The following CDON variants were observed in gnomAD, a reference collection of about 807,000 sequenced individuals.
CDON encodes the protein cell adhesion molecule-related/down-regulated by oncogenes.
A neutral mutation model predicts 120.9 loss-of-function variants in CDON; 73 were observed. The ratio of observed to expected loss-of-function variants is 0.60; its 90% CI spans 0.50 to 0.73. The LOEUF (loss-of-function observed/expected upper bound fraction) is 0.73. CDON is among the 30% of genes least tolerant of loss of function. The pLI is 0.00. For missense variants in CDON, 1,470 were observed against 1,587.3 expected (o/e 0.93, Z 1.26); for synonymous variants, 566 against 573.5 (o/e 0.99, Z 0.19).
chr11:125,974,379 A>AAGAAG (rs1946092322), intron 18 of CDON, among the ~76,000 whole-genome samples: 1 of 43,188 alleles, frequency 2.3e-5, no homozygotes, highest in Non-Finnish European at 4.4e-5. Context: ...GAAGGAAGGA[A>AAGAAG]GGAAGGAAGG....
rs1307566184 is a variant in CDON, at chr11:125,956,892, C to A, written c.*4050G>T. The A allele has an allele frequency of 1.0e-6, 1 of 974,620 alleles. No homozygotes were observed. Among genetic ancestry groups the A allele is most frequent in the East Asian group, 1.1e-4 (1 of 8,748 alleles). The allele number at this position is 974,620 out of a possible 1,614,324, so 60.4% of individuals were successfully genotyped here. On this transcript the variant is annotated 3_prime_UTR_variant, in exon 20 of 20. Transcript: ENST00000531738. ...ACCCTCAAAGCTCTCAGGACTGGGGCTAGGGTTTAAGGAAGGCTTATTTAA... is the reference window on the plus strand; with the variant it reads ...ACCCTCAAAGCTCTCAGGACTGGGGATAGGGTTTAAGGAAGGCTTATTTAA...
chr11:125,961,713 G>A lies in CDON; in HGVS notation c.3631+11C>T. 6.2e-7 allele frequency: 1 copy of A among 1,614,140 alleles called. No individual in the cohort carries two copies. The highest frequency in any genetic ancestry group is 8.5e-7 in the Non-Finnish European group (1 of 1,180,014). On this transcript the variant is annotated intron_variant, in intron 19 of 19. Coordinates refer to ENST00000531738, the MANE Select transcript of CDON (RefSeq NM_001378964.1). Reference sequence around the variant, plus strand: ...GATCTGGAATCCTAAGGTTGATCATGCCTTCCTGACCTCTGCTGAACTCTG... The same window carrying A: ...GATCTGGAATCCTAAGGTTGATCATACCTTCCTGACCTCTGCTGAACTCTG...
chr11:126,025,236 A>C (rs1373363902), intron 1 of CDON, among the ~76,000 whole-genome samples: 1 of 152,192 alleles, frequency 6.6e-6, no homozygotes, highest in Admixed American at 6.5e-5. Context: ...AAAAATAAGA[A>C]AAAGAAATAT....
intron 1 of CDON, among the ~76,000 whole-genome samples, chr11:126,045,201 T>G (rs7940711): frequency 0.015 from 2,323 of 152,222 alleles, 62 homozygotes; most frequent in African/African-American, 0.053. Flanking sequence ...AATTTTTTTG[T>G]ATTTTTAGTA....
intron 4 of CDON, among the ~76,000 whole-genome samples, chr11:126,019,006 T>C (rs1947552044): frequency 6.6e-6 from 1 of 152,146 alleles, no homozygotes; most frequent in African/African-American, 2.4e-5. Context: ...AGCAGAAGCA[T>C]GTTAACGGTA....
In CDON at chr11:126,062,761, T is replaced by G. The variant is rs117437024; in HGVS notation, c.-244A>C. The G allele has an allele frequency of 0.38, 57,910 of 151,214 alleles. 11,849 individuals are homozygous for G. The highest frequency in any genetic ancestry group is 0.49 in the African/African-American group (20,165 of 41,228). The allele number at this position is 151,214 out of a possible 1,614,324, so 9.4% of individuals were successfully genotyped here. On this transcript the variant is annotated 5_prime_UTR_variant, in exon 1 of 20. Coordinates refer to ENST00000531738, the MANE Select transcript of CDON (RefSeq NM_001378964.1). Reference sequence around the variant, plus strand: ...GGAGCGGCGCCTCGCACGCCGGGGCTGGGGCGCTGGGCAGGGCGGGCGGGC... The same window carrying G: ...GGAGCGGCGCCTCGCACGCCGGGGCGGGGGCGCTGGGCAGGGCGGGCGGGC...
intron 7 of CDON, among the ~76,000 whole-genome samples, chr11:126,012,378 T>G (rs1947328106): frequency 6.6e-6 from 1 of 152,132 alleles, no homozygotes; most frequent in South Asian, 2.1e-4. Context: ...ACTTTCTGTT[T>G]GTTGCTGGTA....
rs547869364 is a variant in CDON at position 126,039,923 on chromosome 11, C to T, written c.-61-16386G>A. On this transcript the variant is annotated intron_variant, in intron 1 of 19. Transcript: ENST00000531738. Reference sequence around the variant, plus strand: ...CGAAACCCCCCATTGCCCCCTTGCTCGCTCTCAGCACACTGCTCTCCAACA... The same window carrying T: ...CGAAACCCCCCATTGCCCCCTTGCTTGCTCTCAGCACACTGCTCTCCAACA... Among the ~76,000 whole-genome samples the T allele has an allele frequency of 2.6e-5, 4 of 152,274 alleles. No individual in the cohort carries two copies. The South Asian group carries it at 6.2e-4, about 24-fold the overall frequency.
At chr11:126,012,531 A>G (rs1020439728) in intron 7 of CDON, among the ~76,000 whole-genome samples, 1 of 150,208 alleles carries the variant, frequency 6.7e-6, no homozygotes, top group Non-Finnish European at 1.5e-5. Context: ...CCTCCTGAGT[A>G]GCTGGGACTA....
intron 7 of CDON, 53 bp downstream of exon 7, chr11:126,015,188 A>G: frequency 6.6e-7 from 1 of 1,525,800 alleles, no homozygotes; most frequent in Non-Finnish European, 9.1e-7. Flanking sequence ...ACCACAACAA[A>G]AGCCCATCTG....
chr11:126,023,767 A>T (rs1158663294), intron 1 of CDON, among the ~76,000 whole-genome samples: 3 of 152,240 alleles, frequency 2.0e-5, no homozygotes, highest in African/African-American at 7.2e-5. Context: ...ACTACACAGA[A>T]CTAATCACTC....
intron 1 of CDON, among the ~76,000 whole-genome samples, chr11:126,025,150 A>G (rs1947760096): frequency 6.6e-6 from 1 of 152,196 alleles, no homozygotes. Flanking sequence ...GGTTGCAGTG[A>G]GCCAAGATTG....
chr11:126,030,086 C>G (rs895173963), intron 1 of CDON, among the ~76,000 whole-genome samples: 1 of 152,204 alleles, frequency 6.6e-6, no homozygotes, highest in African/African-American at 2.4e-5. Flanking sequence ...TTAAGCCTTT[C>G]TCCCACATCC....
intron 15 of CDON, among the ~76,000 whole-genome samples, chr11:125,985,850 G>A (rs657047): frequency 0.22 from 33,048 of 148,730 alleles, 3,839 homozygotes; most frequent in Non-Finnish European, 0.24. Context: ...AAATAGGAAT[G>A]CTTTTACACT....
At chr11:126,036,019 CACAG>C (rs1342397797) in intron 1 of CDON, among the ~76,000 whole-genome samples, 7 of 152,104 alleles carry the variant, frequency 4.6e-5, no homozygotes, top group African/African-American at 1.7e-4. Context: ...AGAAATAATT[CACAG>C]ACACTGATAC....
Position 126,010,700 on chromosome 11 carries a change from A to G in CDON, c.1199-6T>C, listed in dbSNP as rs1947276849. 1.9e-6 allele frequency: 3 copies of G among 1,609,650 alleles called. No individual in the cohort carries two copies. Among genetic ancestry groups the G allele is most frequent in the African/African-American group, 1.3e-5 (1 of 74,866 alleles). ...AACTGGCTTGAATCCACCGTCTATTAAAAAAGTAATTCACATATGAAAAAT... is the reference window on the plus strand; with the variant it reads ...AACTGGCTTGAATCCACCGTCTATTGAAAAAGTAATTCACATATGAAAAAT... On this transcript the variant is annotated splice_polypyrimidine_tract_variant and splice_region_variant and intron_variant, in intron 7 of 19. Transcript: ENST00000531738.
chr11:126,044,401 G>T (rs2134859562), intron 1 of CDON, among the ~76,000 whole-genome samples: 1 of 152,202 alleles, frequency 6.6e-6, no homozygotes, highest in East Asian at 1.9e-4. Context: ...CAAAAGAAAA[G>T]AAATCAGTAT....
chr11:126,037,739 A>G (rs1443650739), intron 1 of CDON, among the ~76,000 whole-genome samples: 1 of 152,166 alleles, frequency 6.6e-6, no homozygotes, highest in East Asian at 1.9e-4. Context: ...ATCAGTTGGT[A>G]GTCTAAATGG....
At chr11:126,017,473 T>G in intron 5 of CDON, 98 bp from the exon 6 acceptor site, 1 of 1,175,470 alleles carries the variant, frequency 8.5e-7, no homozygotes, top group Non-Finnish European at 1.2e-6. Flanking sequence ...CATGTATTCT[T>G]TATACTACAA....
Sources: gnomAD v4.1 joint callset for allele counts (sites outside exome capture counted in the v4.1 genomes callset) on GRCh38, gnomAD v4.1.1 for gene constraint, MANE v1.5 for transcripts, NCBI Gene and HGNC (gene_info 2026-07-23, HGNC 2026-07-21) for gene names.